The following RPS6KA3 variants were observed in gnomAD, a reference collection of about 807,000 sequenced individuals.
The protein encoded by RPS6KA3 is ribosomal protein S6 kinase alpha-3.
RPS6KA3 carries 4 observed loss-of-function variants against 67.2 expected under a neutral mutation model. That is an observed-to-expected ratio of 0.06 (90% CI 0.03 to 0.14). The LOEUF (loss-of-function observed/expected upper bound fraction) is 0.14, where lower values mean the gene tolerates loss of function less well. Among genes scored for constraint, RPS6KA3 ranks in the 10% least tolerant of loss-of-function variants. RPS6KA3 has a pLI of 1.00. For missense variants in RPS6KA3, 204 were observed against 559.0 expected, an observed-to-expected ratio of 0.36 and a Z score of 6.40; for synonymous variants, 182 against 183.7, an observed-to-expected ratio of 0.99 and a Z score of 0.07.
chrX:20,159,915 C>A (rs756536083), intron 20 of RPS6KA3, among the ~76,000 whole-genome samples: 1 of 111,432 alleles, frequency 9.0e-6, no homozygotes, highest in African/African-American at 3.3e-5. Flanking sequence ...TCAGCACGAG[C>A]CACAAAGCCT....
At chrX:20,176,098 T>C (rs1211197564) in intron 13 of RPS6KA3, 152 bp downstream of exon 13, 2 of 464,331 alleles carry the variant, frequency 4.3e-6, no homozygotes, top group South Asian at 3.2e-5. Context: ...CTCCAACTCC[T>C]GGCCTCAAGC....
intron 14 of RPS6KA3, among the ~76,000 whole-genome samples, chrX:20,174,347 CTTTTTTT>C (rs746491012): frequency 2.2e-5 from 2 of 91,436 alleles, no homozygotes; most frequent in South Asian, 4.8e-4. Context: ...ATTCTACTTT[CTTTTTTT>C]TTTTTTTTTT....
intron 13 of RPS6KA3, 72 bp from the exon 14 acceptor site, chrX:20,175,360 A>T: frequency 2.9e-6 from 3 of 1,044,088 alleles, no homozygotes; most frequent in Non-Finnish European, 4.0e-6. Context: ...TGACACTATG[A>T]CCTTTTTCAC....
At chrX:20,255,789 CAAAAAAAAAAAAAAAAAA>C (rs766544803) in intron 1 of RPS6KA3, among the ~76,000 whole-genome samples, 1 of 17,146 alleles carries the variant, frequency 5.8e-5, no homozygotes, top group Non-Finnish European at 8.7e-5. Flanking sequence ...AATTTCGTCT[CAAAAAAAAAAAAAAAAAA>C]AAAAAAAAAA....
intron 2 of RPS6KA3, among the ~76,000 whole-genome samples, chrX:20,211,438 A>G (rs2068711179): frequency 9.0e-6 from 1 of 110,687 alleles, no homozygotes; most frequent in Non-Finnish European, 1.9e-5. Flanking sequence ...GATCAATGAC[A>G]GGAAACCTAT....
At chrX:20,248,650 T>C (rs1000519366) in intron 1 of RPS6KA3, among the ~76,000 whole-genome samples, 1 of 111,489 alleles carries the variant, frequency 9.0e-6, no homozygotes, top group Non-Finnish European at 1.9e-5. Context: ...GCCCAGCTAA[T>C]TTTTTGTATA....
At chrX:20,162,872 A>C in intron 19 of RPS6KA3, 92 bp downstream of exon 19, 1 of 661,993 alleles carries the variant, frequency 1.5e-6, no homozygotes, top group East Asian at 3.2e-5. Context: ...CAAACAAACA[A>C]AAAACCCCAA....
chrX:20,155,604 A>G, intron 21 of RPS6KA3, 84 bp from the exon 22 acceptor site: 1 of 1,013,719 alleles, frequency 9.9e-7, no homozygotes, highest in African/African-American at 1.9e-5. Flanking sequence ...GTTTTTTCAT[A>G]TGCAAATGTA....
intron 7 of RPS6KA3, among the ~76,000 whole-genome samples, chrX:20,190,040 A>G (rs2068083516): frequency 9.0e-6 from 1 of 111,319 alleles, no homozygotes; most frequent in African/African-American, 3.3e-5. Context: ...TAGTGAATAC[A>G]TGAAAAACAG....
intron 1 of RPS6KA3, among the ~76,000 whole-genome samples, chrX:20,259,299 C>T (rs2070159666): frequency 9.0e-6 from 1 of 111,311 alleles, no homozygotes; most frequent in African/African-American, 3.3e-5. Context: ...AATTTTTAAA[C>T]TACAAATATT....
chrX:20,266,256 G>A (rs996241084), intron 1 of RPS6KA3, among the ~76,000 whole-genome samples: 17 of 106,981 alleles, frequency 1.6e-4, no homozygotes, highest in African/African-American at 5.5e-4. Flanking sequence ...CCCCCGCTCC[G>A]CCTCCCGCTT....
intron 8 of RPS6KA3, 46 bp from the exon 9 acceptor site, chrX:20,188,016 T>C (rs1342041059): frequency 1.8e-6 from 2 of 1,112,894 alleles, no homozygotes; most frequent in Admixed American, 4.5e-5. Flanking sequence ...TTTGCACATG[T>C]AAATTTTAAA....
chrX:20,236,957 G>C lies in RPS6KA3; in HGVS notation c.70-2143C>G, dbSNP rs139762583. ...GTCCGACATAGAGATTCAAATTCCT[G>C]TCTCACCCTATTAATTATGAAGTCT... On this transcript the variant is annotated intron_variant, in intron 1 of 21. Transcript: ENST00000379565. Among the ~76,000 whole-genome samples the C allele has an allele frequency of 3.3e-3, 366 of 111,506 alleles. 2 individuals are homozygous for C. Among genetic ancestry groups the C allele is most frequent in the African/African-American group, 0.011 (353 of 30,750 alleles).
rs1394839409 is a variant in RPS6KA3 at position 20,152,389 on chromosome X, G to A, written c.*3009C>T. On this transcript the variant is annotated 3_prime_UTR_variant, in exon 22 of 22. Coordinates refer to ENST00000379565, the MANE Select transcript of RPS6KA3 (RefSeq NM_004586.3). ...GGGAAGATACAAAACACATGGTAGT[G>A]TAATTCATACCTTCCAGTACGTGCT... 8.9e-6 allele frequency: 1 copy of A among 112,770 alleles called. No individual in the cohort carries two copies. Among genetic ancestry groups the A allele is most frequent in the Non-Finnish European group, 1.9e-5 (1 of 53,299 alleles). 9.3% of individuals were successfully genotyped at this position (112,770 alleles called of 1,213,427 possible). A position where few individuals can be genotyped will look rare whatever the true frequency, so the allele number is the denominator to read the frequency against.
intron 4 of RPS6KA3, chrX:20,203,572 C>T (rs2068501448): frequency 8.5e-6 from 1 of 117,357 alleles, no homozygotes; most frequent in African/African-American, 3.3e-5. Flanking sequence ...CTCTTCTTAA[C>T]TACTTTTTAC....
At chrX:20,176,163 G>A (rs780460613) in intron 13 of RPS6KA3, 87 bp downstream of exon 13, 4 of 633,352 alleles carry the variant, frequency 6.3e-6, no homozygotes, top group East Asian at 3.4e-5. Context: ...GAGCCACCGC[G>A]CCCAGAGTCT....
chrX:20,162,795 TA>T (rs1180694783), intron 19 of RPS6KA3, among the ~76,000 whole-genome samples, 168 bp downstream of exon 19: 9 of 111,546 alleles, frequency 8.1e-5, no homozygotes, highest in Admixed American at 3.8e-4. Context: ...TATAGTGAAC[TA>T]TGGCTGTGTC....
intron 8 of RPS6KA3, among the ~76,000 whole-genome samples, chrX:20,188,232 C>A (rs759022650): frequency 1.4e-4 from 15 of 110,698 alleles, no homozygotes; most frequent in Non-Finnish European, 2.6e-4. Flanking sequence ...CACCACCATG[C>A]CCAGCTCATT....
At chrX:20,174,181 G>A (rs1603421669) in intron 14 of RPS6KA3, among the ~76,000 whole-genome samples, 1 of 110,787 alleles carries the variant, frequency 9.0e-6, no homozygotes, top group South Asian at 3.8e-4. Flanking sequence ...AAAGTCTGCC[G>A]ACTCCTGTTC....
Sources: allele counts gnomAD v4.1 joint callset (sites outside exome capture counted in the v4.1 genomes callset), GRCh38; gene constraint gnomAD v4.1.1; transcripts MANE v1.5; gene names NCBI Gene and HGNC (gene_info 2026-07-23, HGNC 2026-07-21).